Variants in TECPR2 observed in about 807,000 individuals in gnomAD.
The protein encoded by TECPR2 is tectonin beta-propeller repeat containing 2.
A neutral mutation model predicts 138.1 loss-of-function variants in TECPR2; 65 were observed. The ratio of observed to expected loss-of-function variants is 0.47; its 90% CI spans 0.39 to 0.58. The LOEUF is 0.58. Among genes scored for constraint, TECPR2 ranks in the 20% least tolerant of loss-of-function variants. The probability of loss-of-function intolerance (pLI) is 0.00; values close to 1 mark genes in which losing one functional copy is unlikely to be tolerated. For missense variants in TECPR2, 1,553 were observed against 1,824.5 expected, an observed-to-expected ratio of 0.85 and a Z score of 2.71; for synonymous variants, 746 against 749.8, an observed-to-expected ratio of 0.99 and a Z score of 0.08.
intron 17 of TECPR2, among the ~76,000 whole-genome samples, chr14:102,478,082 C>T (rs1408816116): frequency 6.6e-6 from 1 of 150,888 alleles, no homozygotes; most frequent in African/African-American, 2.4e-5. Flanking sequence ...AGTCTCACTC[C>T]ATTGCCCATG....
intron 9 of TECPR2, chr14:102,436,962 G>C: frequency 1.0e-6 from 1 of 983,112 alleles, no homozygotes; most frequent in Non-Finnish European, 1.2e-6. Flanking sequence ...CCCTCACTTA[G>C]GTGACAGGGA....
intron 2 of TECPR2, 35 bp downstream of exon 2, chr14:102,376,975 C>A: frequency 6.4e-7 from 1 of 1,554,264 alleles, no homozygotes; most frequent in Non-Finnish European, 8.7e-7. Flanking sequence ...TGAGGGGGCA[C>A]GAGCCATAGC....
At chr14:102,497,182 G>T in intron 18 of TECPR2, 62 bp downstream of exon 18, 5 of 1,569,548 alleles carry the variant, frequency 3.2e-6, no homozygotes, top group Non-Finnish European at 4.3e-6. Flanking sequence ...ACTGGGGGCT[G>T]CTGGGCGCTC....
At position 102,392,365 on chromosome 14, in the gene TECPR2, T is replaced by C. The variant is rs1428055344; in HGVS notation, c.220-14973T>C. Among the ~76,000 whole-genome samples, 5 of 152,216 alleles carry C rather than the reference T, an allele frequency of 3.3e-5. No homozygotes were observed. In the South Asian group the frequency reaches 8.3e-4, roughly 25 times the overall value. On this transcript the variant is annotated intron_variant, in intron 2 of 19. Transcript: ENST00000359520. ...GTCTCTAAACTTCTCTTTCATGTTT[T>C]GAATCTTTTCATCTCTTTGTTGCAT...
chr14:102,370,965 AAGTGTCTTTGAC>A (rs1887490292), intron 1 of TECPR2, among the ~76,000 whole-genome samples: 3 of 152,198 alleles, frequency 2.0e-5, no homozygotes, highest in Admixed American at 1.3e-4. Context: ...CAAGATAGGT[AAGTGTCTTTGAC>A]ATTGTTCATT....
chr14:102,441,895 G>A (rs145174818), intron 11 of TECPR2, among the ~76,000 whole-genome samples: 61 of 152,344 alleles, frequency 4.0e-4, no homozygotes, highest in African/African-American at 1.1e-3. Context: ...TGGGGCAGGA[G>A]TTATCGTCAG....
At chr14:102,384,618 A>C (rs1211758767) in intron 2 of TECPR2, among the ~76,000 whole-genome samples, 7 of 151,452 alleles carry the variant, frequency 4.6e-5, no homozygotes, top group Non-Finnish European at 8.8e-5. Context: ...CGGAGATTGC[A>C]GTGAGCCAAG....
chr14:102,447,224 G>A (rs1890007333), intron 13 of TECPR2, among the ~76,000 whole-genome samples: 1 of 152,008 alleles, frequency 6.6e-6, no homozygotes. Flanking sequence ...GCAGGATCAC[G>A]ACCCACCTCA....
rs570067025 is a variant in TECPR2, at chr14:102,488,017, A to AT, written c.3790-8956dup. On this transcript the variant is annotated intron_variant, in intron 17 of 19. Coordinates refer to ENST00000359520, the MANE Select transcript of TECPR2 (RefSeq NM_014844.5). ...CCACCACACCTGGCTAATTTTGTAT[A>AT]TTTTTTAGTAGAGATGGGGTTTCTC... Among the ~76,000 whole-genome samples, 1,249 of 146,946 alleles carry AT rather than the reference A, an allele frequency of 8.5e-3. 25 individuals carry two copies. The highest frequency in any genetic ancestry group is 0.03 in the African/African-American group (1,192 of 39,722).
At chr14:102,432,424 T>G (rs1425949322) in intron 8 of TECPR2, among the ~76,000 whole-genome samples, 3 of 152,118 alleles carry the variant, frequency 2.0e-5, no homozygotes, top group Non-Finnish European at 4.4e-5. Context: ...ATTTATATTA[T>G]TTATTTATTT....
rs528551579 is a variant in TECPR2, at chr14:102,447,480, C to T, written c.3075+1533C>T. On this transcript the variant is annotated intron_variant, in intron 13 of 19. Transcript: ENST00000359520. ...TAGTTTAGTGTTAGTGTTGCTCCCA[C>T]AGTCTCCCACTGTGGTAGGTAAGAT... 2.0e-5 allele frequency among the ~76,000 whole-genome samples: 3 copies of T among 152,272 alleles called. No individual in the cohort carries two copies. The East Asian group carries it at 5.8e-4, about 29-fold the overall frequency.
chr14:102,455,500 G>A (rs1312206971), intron 16 of TECPR2, among the ~76,000 whole-genome samples: 1 of 152,182 alleles, frequency 6.6e-6, no homozygotes, highest in Non-Finnish European at 1.5e-5. Context: ...AGGCTAGAGT[G>A]CAGTGGCACG....
intron 2 of TECPR2, among the ~76,000 whole-genome samples, chr14:102,399,326 G>C (rs533642838): frequency 9.7e-4 from 147 of 152,262 alleles, no homozygotes; most frequent in African/African-American, 3.4e-3. Flanking sequence ...GATATATTCA[G>C]AGTGTTAAAA....
At chr14:102,367,309 A>G (rs573186440) in intron 1 of TECPR2, among the ~76,000 whole-genome samples, 84 of 152,278 alleles carry the variant, frequency 5.5e-4, no homozygotes, top group African/African-American at 8.9e-4. Flanking sequence ...ATACAATTCA[A>G]TGGTTTTTAC....
At chr14:102,382,977 C>G (rs1042969247) in intron 2 of TECPR2, among the ~76,000 whole-genome samples, 1 of 152,140 alleles carries the variant, frequency 6.6e-6, no homozygotes, top group Non-Finnish European at 1.5e-5. Flanking sequence ...AGGCTGGTCT[C>G]GAACGCCAGA....
chr14:102,444,256 C>T (rs1415908538), intron 12 of TECPR2, among the ~76,000 whole-genome samples: 4 of 150,920 alleles, frequency 2.7e-5, no homozygotes, highest in Admixed American at 6.6e-5. Flanking sequence ...TGCAGTGCCA[C>T]GATCACGGCT....
At chr14:102,473,720 C>G (rs1177840023) in intron 17 of TECPR2, among the ~76,000 whole-genome samples, 2 of 152,184 alleles carry the variant, frequency 1.3e-5, no homozygotes, top group African/African-American at 4.8e-5. Context: ...CTAACACTTG[C>G]AAGGGTTTGG....
chr14:102,403,069 T>C (rs552704683), intron 2 of TECPR2, among the ~76,000 whole-genome samples: 1 of 152,106 alleles, frequency 6.6e-6, no homozygotes, highest in African/African-American at 2.4e-5. Flanking sequence ...ATATCAAAAC[T>C]AGAAAAGATA....
intron 17 of TECPR2, among the ~76,000 whole-genome samples, chr14:102,484,722 G>C (rs542415636): frequency 1.3e-5 from 2 of 152,050 alleles, no homozygotes; most frequent in African/African-American, 4.8e-5. Context: ...GCAGTGGCCC[G>C]ATCTCAGCTC....
Sources: allele counts gnomAD v4.1 joint callset (sites outside exome capture counted in the v4.1 genomes callset), GRCh38; gene constraint gnomAD v4.1.1; transcripts MANE v1.5; gene names NCBI Gene and HGNC (gene_info 2026-07-23, HGNC 2026-07-21).